SNX19: variants seen among roughly 807,000 people sequenced by gnomAD.
SNX19 encodes the protein sorting nexin 19.
In SNX19, 60 loss-of-function variants were observed where a neutral mutation model predicts 85.2. That is an observed-to-expected ratio of 0.70 (90% CI 0.57 to 0.87). The LOEUF (loss-of-function observed/expected upper bound fraction) is 0.87. Ranked by LOEUF, SNX19 falls within the 40% of genes least tolerant of loss-of-function variation. SNX19 has a pLI of 0.00. For synonymous variants in SNX19, 520 were observed against 470.0 expected (o/e 1.11, Z -1.38); for missense variants, 1,201 against 1,217.8 (o/e 0.99, Z 0.21).
At position 130,905,887 on chromosome 11, in the gene SNX19, C is replaced by A. The variant is rs1865298; in HGVS notation, c.2443+66G>T. ...AAATCAAAGTTACAAACTCCAACTA[C>A]CCCAAGTACCAAGTGGATGCCACCC... On this transcript the variant is annotated intron_variant, in intron 7 of 10. Coordinates refer to ENST00000265909, the MANE Select transcript of SNX19 (RefSeq NM_014758.3). 765 of 1,612,424 alleles carry A rather than the reference C, an allele frequency of 4.7e-4. 6 individuals are homozygous for A. In the African/African-American group the frequency reaches 9.2e-3, roughly 19 times the overall value.
chr11:130,898,822 C>T (rs1945055729), intron 8 of SNX19, among the ~76,000 whole-genome samples: 1 of 151,164 alleles, frequency 6.6e-6, no homozygotes, highest in African/African-American at 2.4e-5. Context: ...TGTGTAGATA[C>T]GGAGATGCAG....
intron 7 of SNX19, among the ~76,000 whole-genome samples, chr11:130,904,694 A>ATTTTTTT (rs34208870): frequency 6.7e-6 from 1 of 148,776 alleles, no homozygotes; most frequent in Non-Finnish European, 1.5e-5. Flanking sequence ...AAAATGGTAG[A>ATTTTTTT]TTTTTTTTTG....
In SNX19 at chr11:130,870,317, C is replaced by T. The variant is rs749932567; in HGVS notation, c.*8105G>A. The T allele has an allele frequency of 6.6e-6, 1 of 152,292 alleles. No homozygotes were observed. Among genetic ancestry groups the T allele is most frequent in the Non-Finnish European group, 1.5e-5 (1 of 68,076 alleles). 9.4% of individuals were successfully genotyped at this position (152,292 alleles called of 1,614,324 possible). On this transcript the variant is annotated 3_prime_UTR_variant, in exon 11 of 11. Coordinates refer to ENST00000265909, the MANE Select transcript of SNX19 (RefSeq NM_014758.3). ...TTCCCGCCGCATCCACATATGCACA[C>T]TTACTTCCCTTGGATGTGTGGCAAC...
intron 8 of SNX19, among the ~76,000 whole-genome samples, chr11:130,887,984 A>C (rs1024313542): frequency 2.6e-5 from 4 of 152,036 alleles, no homozygotes; most frequent in Non-Finnish European, 5.9e-5. Flanking sequence ...AGATTTAGAT[A>C]CTATACTTCT....
rs1056037053 is a variant in SNX19, at chr11:130,869,100, C to T, written c.*9322G>A. 24 of 152,212 alleles carry T rather than the reference C, an allele frequency of 1.6e-4. No individual in the cohort carries two copies. The highest frequency in any genetic ancestry group is 5.3e-4 in the African/African-American group (22 of 41,444). The allele number at this position is 152,212 out of a possible 1,614,324, so 9.4% of individuals were successfully genotyped here. A position where few individuals can be genotyped will look rare whatever the true frequency, so the allele number is the denominator to read the frequency against. On this transcript the variant is annotated 3_prime_UTR_variant, in exon 11 of 11. Transcript: ENST00000265909. ...GCTGGAAAAACTCTGGGAAACAAGA[C>T]AATCTGCCTCCAAGGGATTAACAGC...
At chr11:130,904,129 T>C (rs932499395) in intron 7 of SNX19, among the ~76,000 whole-genome samples, 1 of 152,184 alleles carries the variant, frequency 6.6e-6, no homozygotes. Flanking sequence ...CTTATACCCA[T>C]GCTAAACTAA....
chr11:130,906,252 A>G, intron 6 of SNX19, 119 bp from the exon 7 acceptor site: 2 of 956,340 alleles, frequency 2.1e-6, no homozygotes, highest in Non-Finnish European at 1.5e-6. Flanking sequence ...AACCCAACTG[A>G]TGCTATGACT....
chr11:130,880,447 G>T (rs1352958159), intron 9 of SNX19, among the ~76,000 whole-genome samples, 175 bp downstream of exon 9: 2 of 152,218 alleles, frequency 1.3e-5, no homozygotes, highest in African/African-American at 2.4e-5. Flanking sequence ...ATGGATAAAA[G>T]AATTGCAGCC....
At chr11:130,892,001 C>T (rs1461540719) in intron 8 of SNX19, among the ~76,000 whole-genome samples, 1 of 151,646 alleles carries the variant, frequency 6.6e-6, no homozygotes, top group Non-Finnish European at 1.5e-5. Flanking sequence ...CCACGATGCC[C>T]GGCAAATTTT....
At chr11:130,885,149 G>C (rs4643085) in intron 8 of SNX19, among the ~76,000 whole-genome samples, 18,955 of 151,990 alleles carry the variant, frequency 0.12, 1,918 homozygotes, top group African/African-American at 0.28. Context: ...ATGATTCAGA[G>C]CCTTAATAGG....
intron 2 of SNX19, 108 bp from the exon 3 acceptor site, chr11:130,910,478 AT>A: frequency 1.2e-6 from 1 of 842,090 alleles, no homozygotes; most frequent in Non-Finnish European, 1.8e-6. Flanking sequence ...ATTTCCTTGG[AT>A]TAAAAAAAAC....
At position 130,873,702 on chromosome 11, in the gene SNX19, A is replaced by G. The variant is rs1242244669; in HGVS notation, c.*4720T>C. Among the ~76,000 whole-genome samples the G allele has an allele frequency of 6.6e-6, 1 of 152,204 alleles. No individual in the cohort carries two copies. Among genetic ancestry groups the G allele is most frequent in the Non-Finnish European group, 1.5e-5 (1 of 68,050 alleles). On this transcript the variant is annotated 3_prime_UTR_variant, in exon 11 of 11. Coordinates refer to ENST00000265909, the MANE Select transcript of SNX19 (RefSeq NM_014758.3). Reference sequence around the variant, plus strand: ...CTTTAAGGGTTGATTTGTGGGTTAAATAAGTGAAGATATGTAAAGACTTTA... The same window carrying G: ...CTTTAAGGGTTGATTTGTGGGTTAAGTAAGTGAAGATATGTAAAGACTTTA...
intron 8 of SNX19, among the ~76,000 whole-genome samples, chr11:130,896,247 A>G (rs1421148925): frequency 6.6e-6 from 1 of 152,218 alleles, no homozygotes; most frequent in Non-Finnish European, 1.5e-5. Flanking sequence ...AACTGGAAGA[A>G]AAAGTTACAC....
chr11:130,892,798 T>A (rs925331422), intron 8 of SNX19: 2 of 152,230 alleles, frequency 1.3e-5, no homozygotes, highest in Admixed American at 6.5e-5. Flanking sequence ...TGTCTCTGTC[T>A]CTTCTTTCCT....
chr11:130,880,555 G>A, intron 9 of SNX19, 67 bp downstream of exon 9: 1 of 1,413,764 alleles, frequency 7.1e-7, no homozygotes. Flanking sequence ...AGGTGCAGGG[G>A]TAATGGTGGC....
rs1463222410 is a variant in SNX19, at chr11:130,914,639, G to A, written c.1301C>T (p.Thr434Ile). Residue 434 changes from threonine (T) to isoleucine (I), a missense_variant, in exon 1 of 11, where the codon ACA becomes ATA. Thr to Ile is a moderately conservative substitution (Grantham distance 89). Around this residue, in one of 3 missense-constraint regions of SNX19, gnomAD observed 791 missense variants for 750.9 expected, o/e 1.05. Transcript: ENST00000265909. ...ATTCAGTGTGGAGACCGGCAGGCCT[G>A]TCTCTGTTTCTGTCCCTGGACCCTC... The part of the protein sequence containing the change: ...AEEGPGTETE[T>I]GLPVSTLNSC... 2 of 1,613,922 alleles carry A rather than the reference G, an allele frequency of 1.2e-6. No individual in the cohort carries two copies. Among genetic ancestry groups the A allele is most frequent in the Non-Finnish European group, 1.7e-6 (2 of 1,179,860 alleles).
In SNX19 at chr11:130,915,360, G is replaced by C. The variant is rs756315873; in HGVS notation, c.580C>G (p.Arg194Gly). 1 of 1,614,012 alleles carries C rather than the reference G, an allele frequency of 6.2e-7. No individual in the cohort carries two copies. Among genetic ancestry groups the C allele is most frequent in the Admixed American group, 1.7e-5 (1 of 60,016 alleles). Residue 194 changes from arginine to glycine, a missense_variant, in exon 1 of 11, where the codon CGG (arginine) becomes GGG (glycine). Transcript: ENST00000265909. The part of the protein sequence containing the change: ...EPSHLWEAYC[R>G]ATAPHPAVHS... ...ACAGCAGGATGTGGGGCAGTCGCCC[G>C]GCAGTAAGCCTCCCAGAGGTGGGAA... is the stretch of plus-strand genomic sequence containing the variant.
At chr11:130,890,884 T>TG (rs1197503016) in intron 8 of SNX19, among the ~76,000 whole-genome samples, 1 of 117,178 alleles carries the variant, frequency 8.5e-6, no homozygotes, top group African/African-American at 3.1e-5. Context: ...TGGTAGGGAT[T>TG]TGGGTCTTTT....
Position 130,867,858 on chromosome 11 carries a change from G to A in SNX19, c.*10564C>T, listed in dbSNP as rs1235124147. The A allele has an allele frequency of 1.3e-5, 2 of 152,084 alleles. No individual in the cohort carries two copies. Among genetic ancestry groups the A allele is most frequent in the East Asian group, 1.9e-4 (1 of 5,182 alleles). 9.4% of individuals were successfully genotyped at this position (152,084 alleles called of 1,614,324 possible). A position where few individuals can be genotyped will look rare whatever the true frequency, so the allele number is the denominator to read the frequency against. On this transcript the variant is annotated 3_prime_UTR_variant, in exon 11 of 11. Coordinates refer to ENST00000265909, the MANE Select transcript of SNX19 (RefSeq NM_014758.3). ...TGAGGTCCAGGGAAGTGAAGAGATC[G>A]GTCCAAGATCACTGGAACCCATGAC... is the stretch of plus-strand genomic sequence containing the variant.
Sources: allele counts gnomAD v4.1 joint callset (sites outside exome capture counted in the v4.1 genomes callset), GRCh38; gene constraint gnomAD v4.1.1; regional missense constraint gnomAD v4.1.1; transcripts MANE v1.5; gene names NCBI Gene and HGNC (gene_info 2026-07-23, HGNC 2026-07-21).